The following IP6K3 variants were observed in gnomAD, a reference collection of about 807,000 sequenced individuals.
The protein encoded by IP6K3 is inositol hexakisphosphate kinase 3.
Under a neutral mutation model 28.8 loss-of-function variants are expected in IP6K3, and 20 were observed. That is an observed-to-expected ratio of 0.70 (90% CI 0.49 to 1.01). The LOEUF (loss-of-function observed/expected upper bound fraction) is 1.01, where lower values mean the gene tolerates loss of function less well. IP6K3 is among the 50% of genes least tolerant of loss of function. The pLI is 0.00. For missense variants in IP6K3, 480 were observed against 537.1 expected, an observed-to-expected ratio of 0.89 and a Z score of 1.05; for synonymous variants, 213 against 221.3, an observed-to-expected ratio of 0.96 and a Z score of 0.33.
rs997153438 is a variant in IP6K3, at chr6:33,744,727, C to T, written c.-180+2031G>A. ...TGCCCAGACCTGTCCCAGAGAGCCT[C>T]GATGGCAGCTGAAGTTCTGCCTCCA... On this transcript the variant is annotated intron_variant, in intron 1 of 5. Transcript: ENST00000293756. The surrounding 1 kb of genome is among the most constrained non-coding windows in gnomAD (Gnocchi z 4.4). 6.6e-6 allele frequency among the ~76,000 whole-genome samples: 1 copy of T among 152,210 alleles called. No homozygotes were observed. Among genetic ancestry groups the T allele is most frequent in the Admixed American group, 6.5e-5 (1 of 15,286 alleles).
At chr6:33,732,668 T>A (rs2127356161) in intron 2 of IP6K3, among the ~76,000 whole-genome samples, 1 of 152,370 alleles carries the variant, frequency 6.6e-6, no homozygotes, top group Admixed American at 6.5e-5. Context: ...GTAACCTCTC[T>A]GTGCCTCAGC....
chr6:33,730,220 A>G (rs544680906), intron 2 of IP6K3, among the ~76,000 whole-genome samples: 66 of 152,100 alleles, frequency 4.3e-4, no homozygotes, highest in African/African-American at 1.5e-3. Flanking sequence ...CTCGGCTTGC[A>G]TGCCTGCCGG....
In IP6K3 at chr6:33,744,985, G is replaced by A. The variant is rs1467806230; in HGVS notation, c.-180+1773C>T. Among the ~76,000 whole-genome samples the A allele has an allele frequency of 6.6e-6, 1 of 152,220 alleles. No homozygotes were observed. Among genetic ancestry groups the A allele is most frequent in the Non-Finnish European group, 1.5e-5 (1 of 68,042 alleles). On this transcript the variant is annotated intron_variant, in intron 1 of 5. Coordinates refer to ENST00000293756, the MANE Select transcript of IP6K3 (RefSeq NM_054111.5). The surrounding 1 kb of genome is among the most constrained non-coding windows in gnomAD (Gnocchi z 4.4). ...ATCTGTCCATCCCGCCCAGGCTGTG[G>A]CACCCTGGTGGGTGGGTGAGGCCTC...
chr6:33,722,726 T>G lies in IP6K3; in HGVS notation c.1227A>C (p.Gly409=), dbSNP rs768830916. 2 of 1,599,386 alleles carry G rather than the reference T, an allele frequency of 1.3e-6. No homozygotes were observed. Among genetic ancestry groups the G allele is most frequent in the Admixed American group, 3.4e-5 (2 of 58,378 alleles). Residue 409 remains glycine, a synonymous_variant, in exon 6 of 6, where the codon GGA becomes GGC. Transcript: ENST00000293756. ...CAGATAAGCCCAGGAAGTTTCATTC[T>G]CCCTCTTGGATATCCTGCAGGATCC... is the stretch of plus-strand genomic sequence containing the variant. ...LIRILQDIQE[G]E
At position 33,725,379 on chromosome 6, in the gene IP6K3, TC is replaced by T. The variant is rs1766062536; in HGVS notation, c.765+61del. ...GGCAGTGGCATCTGGATGGGAGATA[TC>T]CTTGCCCCACCGTGGACGTGCCGGG... On this transcript the variant is annotated intron_variant, in intron 5 of 5. Transcript: ENST00000293756. 7.3e-6 allele frequency: 11 copies of T among 1,500,296 alleles called. No individual in the cohort carries two copies. The South Asian group carries it at 1.4e-4, about 19-fold the overall frequency. 92.9% of individuals were successfully genotyped at this position (1,500,296 alleles called of 1,614,324 possible).
intron 1 of IP6K3, among the ~76,000 whole-genome samples, chr6:33,741,594 C>CAAGATCAT (rs544782378): frequency 4.3e-4 from 51 of 119,402 alleles, no homozygotes; most frequent in African/African-American, 1.6e-3. Context: ...TGCAGTGAGC[C>CAAGATCAT]AAGATCATGT....
upstream of IP6K3, among the ~76,000 whole-genome samples, chr6:33,750,801 G>A (rs1365042979): frequency 6.6e-6 from 1 of 152,104 alleles, no homozygotes; most frequent in Non-Finnish European, 1.5e-5. The surrounding 1 kb of genome is among the most constrained non-coding windows in gnomAD (Gnocchi z 4.3). Flanking sequence ...GGGGCCTTTG[G>A]CTCGGTTGCT....
Position 33,723,125 on chromosome 6 carries a change from T to C in IP6K3, c.828A>G (p.Ser276=), listed in dbSNP as rs1337898954. ...AGAGGGCTTGTCTGAACCCCTCCACTGAGAGTTTTCTTCCATAGTACTTGT... is the reference window on the plus strand; with the variant it reads ...AGAGGGCTTGTCTGAACCCCTCCACCGAGAGTTTTCTTCCATAGTACTTGT... ...CKDKYYGRKL[S]VEGFRQALYQ... The change falls in exon 6 of 6, where the codon TCA becomes TCG. Residue 276 remains serine (S), a synonymous_variant. Coordinates refer to ENST00000293756, the MANE Select transcript of IP6K3 (RefSeq NM_054111.5). 1 of 1,613,852 alleles carries C rather than the reference T, an allele frequency of 6.2e-7. No homozygotes were observed. Among genetic ancestry groups the C allele is most frequent in the South Asian group, 1.1e-5 (1 of 91,030 alleles).
At chr6:33,734,120 T>C (rs1766419378) in intron 2 of IP6K3, among the ~76,000 whole-genome samples, 1 of 151,086 alleles carries the variant, frequency 6.6e-6, no homozygotes, top group African/African-American at 2.4e-5. Context: ...GGAGAATCGC[T>C]TGAACCTGGG....
chr6:33,723,296 G>A lies in IP6K3; in HGVS notation c.766-109C>T, dbSNP rs143590071. 5.8e-5 allele frequency: 40 copies of A among 694,482 alleles called. No individual in the cohort carries two copies. In the East Asian group the frequency reaches 1.1e-3, roughly 19 times the overall value. The allele number at this position is 694,482 out of a possible 1,614,324, so 43.0% of individuals were successfully genotyped here. A position where few individuals can be genotyped will look rare whatever the true frequency, so the allele number is the denominator to read the frequency against. ...GGATAATATATGAACAGATTTTTAG[G>A]AGATGTAGGGCAAGAGTGACTGAAA... On this transcript the variant is annotated intron_variant, in intron 5 of 5. Coordinates refer to ENST00000293756, the MANE Select transcript of IP6K3 (RefSeq NM_054111.5).
At chr6:33,743,428 A>G (rs1464663401) in intron 1 of IP6K3, among the ~76,000 whole-genome samples, 1 of 152,118 alleles carries the variant, frequency 6.6e-6, no homozygotes, top group Non-Finnish European at 1.5e-5. Context: ...TGCCCGAGGG[A>G]GCATTTTTTA....
chr6:33,735,230 C>T (rs1349764016), intron 2 of IP6K3, 48 bp downstream of exon 2: 3 of 1,526,164 alleles, frequency 2.0e-6, no homozygotes, highest in Non-Finnish European at 2.7e-6. Context: ...GATGAGCCGG[C>T]CCCCGTGTGG....
At position 33,722,809 on chromosome 6, in the gene IP6K3, G is replaced by T. The variant is rs1330303584; in HGVS notation, c.1144C>A (p.His382Asn). 1 of 1,614,200 alleles carries T rather than the reference G, an allele frequency of 6.2e-7. No homozygotes were observed. The highest frequency in any genetic ancestry group is 2.2e-5 in the East Asian group (1 of 44,882). Residue 382 changes from histidine to asparagine, a missense_variant, in exon 6 of 6, where the codon CAC becomes AAC. Transcript: ENST00000293756. Reference protein sequence around the residue: ...HTTYKGYWNEHTTYDGPDPGY... With the variant: ...HTTYKGYWNENTTYDGPDPGY... ...GGGTCTGGTCCATCGTAGGTGGTGTGCTCATTCCAGTAGCCCTTGTATGTG... is the reference window on the plus strand; with the variant it reads ...GGGTCTGGTCCATCGTAGGTGGTGTTCTCATTCCAGTAGCCCTTGTATGTG...
At chr6:33,739,422 AAGG>A (rs1383183016) in intron 1 of IP6K3, among the ~76,000 whole-genome samples, 1 of 152,056 alleles carries the variant, frequency 6.6e-6, no homozygotes, top group Non-Finnish European at 1.5e-5. Context: ...GAAGGGGCAG[AAGG>A]AGGAGGGAGG....
rs1173488974 is a variant in IP6K3 at position 33,746,834 on chromosome 6, A to G, written c.-256T>C. The G allele has an allele frequency of 1.3e-5, 2 of 152,296 alleles. No individual in the cohort carries two copies. The highest frequency in any genetic ancestry group is 4.8e-5 in the African/African-American group (2 of 41,390). 9.4% of individuals were successfully genotyped at this position (152,296 alleles called of 1,614,324 possible). The stretch of plus-strand genomic sequence containing the variant: ...TCTTGTCTCTCAGTGCCCACCATGT[A>G]CAGGCATCAGGCAATGGCCCGTCCC... On this transcript the variant is annotated 5_prime_UTR_variant, in exon 1 of 6. Coordinates refer to ENST00000293756, the MANE Select transcript of IP6K3 (RefSeq NM_054111.5). This position sits in a 1 kb window ranked among gnomAD's most constrained non-coding sequence, Gnocchi z 6.5.
chr6:33,722,607 G>T lies in IP6K3; in HGVS notation c.*113C>A. On this transcript the variant is annotated 3_prime_UTR_variant, in exon 6 of 6. Coordinates refer to ENST00000293756, the MANE Select transcript of IP6K3 (RefSeq NM_054111.5). ...GCCATATATAGAGATGGTTTTTGAA[G>T]GTAGATAGGACTATTATGAAGACAT... 1.4e-6 allele frequency: 1 copy of T among 703,358 alleles called. No homozygotes were observed. The highest frequency in any genetic ancestry group is 2.5e-6 in the Non-Finnish European group (1 of 403,634). 43.6% of individuals were successfully genotyped at this position (703,358 alleles called of 1,614,324 possible).
intron 1 of IP6K3, among the ~76,000 whole-genome samples, chr6:33,745,237 G>A (rs1414730006): frequency 2.0e-5 from 3 of 152,214 alleles, no homozygotes; most frequent in Non-Finnish European, 4.4e-5. Context: ...GCCTGGGAAG[G>A]ATTTATTCAG....
At chr6:33,751,520 T>TGTGTGTGTGTGTGTG (rs1561914794), upstream of IP6K3, among the ~76,000 whole-genome samples, 2 of 98,350 alleles carry the variant, frequency 2.0e-5, no homozygotes, top group African/African-American at 6.9e-5. The surrounding 1 kb of genome is among the most constrained non-coding windows in gnomAD (Gnocchi z 4.3). Flanking sequence ...GTGTGTGTGT[T>TGTGTGTGTGTGTGTG]TGGCCCCGGG....
chr6:33,743,490 A>C (rs1358393024), intron 1 of IP6K3, among the ~76,000 whole-genome samples: 1 of 152,206 alleles, frequency 6.6e-6, no homozygotes, highest in African/African-American at 2.4e-5. Flanking sequence ...CTTAGGTTGT[A>C]ATGGGCAGGA....
Sources: allele counts gnomAD v4.1 joint callset (sites outside exome capture counted in the v4.1 genomes callset), GRCh38; gene constraint gnomAD v4.1.1; non-coding constraint Gnocchi (gnomAD v3.1); transcripts MANE v1.5; gene names NCBI Gene and HGNC (gene_info 2026-07-23, HGNC 2026-07-21).